The following TDRD12 variants were observed in gnomAD, a reference collection of about 807,000 sequenced individuals.
The protein encoded by TDRD12 is putative ATP-dependent RNA helicase TDRD12.
TDRD12 carries 158 observed loss-of-function variants against 133.5 expected under a neutral mutation model. That is an observed-to-expected ratio of 1.18 (90% CI 1.04 to 1.35). TDRD12 has a LOEUF of 1.35. TDRD12 is among the 40% of genes most tolerant of loss of function. TDRD12 has a pLI of 0.00. For synonymous variants in TDRD12, 460 were observed against 477.9 expected (o/e 0.96, Z 0.49); for missense variants, 1,443 against 1,321.3 (o/e 1.09, Z -1.43).
intron 21 of TDRD12, among the ~76,000 whole-genome samples, chr19:32,803,424 GTGT>G (rs1253391174): frequency 3.3e-5 from 5 of 152,202 alleles, no homozygotes; most frequent in African/African-American, 1.2e-4. Flanking sequence ...ACATTCGTCT[GTGT>G]TGTTGTGTGT....
At chr19:32,757,267 T>C in intron 8 of TDRD12, 137 bp downstream of exon 8, 1 of 719,314 alleles carries the variant, frequency 1.4e-6, no homozygotes, top group South Asian at 1.9e-5. Flanking sequence ...CAATTTGTGA[T>C]GTAGATCCTG....
intron 10 of TDRD12, among the ~76,000 whole-genome samples, chr19:32,776,788 G>T (rs1301829144): frequency 5.3e-5 from 8 of 152,224 alleles, no homozygotes; most frequent in Admixed American, 5.2e-4. Context: ...AGTTCTCACA[G>T]AAATGTGCTT....
intron 4 of TDRD12, among the ~76,000 whole-genome samples, chr19:32,745,085 T>G (rs750695943): frequency 2.2e-4 from 34 of 152,166 alleles, no homozygotes; most frequent in Non-Finnish European, 4.0e-4. Context: ...CCCCCACTAC[T>G]CACCGAAGGC....
In TDRD12 at chr19:32,809,116, TGTGCTGTGTAAAATGAATATG is replaced by T. The variant is rs574540804; in HGVS notation, c.2653-973_2653-953del. Among the ~76,000 whole-genome samples, 498 of 152,330 alleles carry T rather than the reference TGTGCTGTGTAAAATGAATATG, an allele frequency of 3.3e-3. 1 individual carries two copies. The highest frequency in any genetic ancestry group is 6.8e-3 in the Middle Eastern group (2 of 294). ...ACAGAGTTCCCATTTCTGTTTTTTATGTGCTGTGTAAAATGAATATGGTGACATAGTGTCTGAGATTTCTGA... is the reference window on the plus strand; with the variant it reads ...ACAGAGTTCCCATTTCTGTTTTTTATGTGACATAGTGTCTGAGATTTCTGA... On this transcript the variant is annotated intron_variant, in intron 22 of 27. Coordinates refer to ENST00000444215, the Ensembl canonical transcript of TDRD12.
chr19:32,807,149 T>C (rs1024175405), intron 21 of TDRD12, among the ~76,000 whole-genome samples: 1 of 151,300 alleles, frequency 6.6e-6, no homozygotes, highest in Non-Finnish European at 1.5e-5. Flanking sequence ...TTAGAATGTC[T>C]AGAGAAATAG....
At chr19:32,784,341 G>A (rs137900000) in intron 11 of TDRD12, among the ~76,000 whole-genome samples, 8 of 152,032 alleles carry the variant, frequency 5.3e-5, no homozygotes, top group East Asian at 1.9e-4. Context: ...GGATGAAGCC[G>A]ACTTGATCAT....
chr19:32,750,276 GC>G (rs538643599), intron 6 of TDRD12, among the ~76,000 whole-genome samples: 2 of 151,776 alleles, frequency 1.3e-5, no homozygotes, highest in South Asian at 4.1e-4. Flanking sequence ...TATGTGAGTG[GC>G]CCCTACCTCT....
rs147390564 is a variant in TDRD12 at position 32,771,892 on chromosome 19, G to T, written c.866-861G>T. The stretch of plus-strand genomic sequence containing the variant: ...TATTTCAATGAGTTATTTAATAGGT[G>T]AAAGGCGTATCTTGTCATTTCAATT... On this transcript the variant is annotated intron_variant, in intron 8 of 27. Coordinates refer to ENST00000444215, the Ensembl canonical transcript of TDRD12. 4.2e-3 allele frequency among the ~76,000 whole-genome samples: 642 copies of T among 152,282 alleles called. 2 individuals carry two copies. The highest frequency in any genetic ancestry group is 0.014 in the African/African-American group (587 of 41,568).
At chr19:32,736,499 T>C (rs1375855517) in intron 2 of TDRD12, among the ~76,000 whole-genome samples, 2 of 152,204 alleles carry the variant, frequency 1.3e-5, no homozygotes, top group East Asian at 1.9e-4. Context: ...ATTTTGAAGG[T>C]TGGCTGGCTG....
chr19:32,728,890 G>A (rs1057383869), intron 1 of TDRD12, among the ~76,000 whole-genome samples: 6 of 147,160 alleles, frequency 4.1e-5, no homozygotes, highest in African/African-American at 7.5e-5. Context: ...CTTGTGATCC[G>A]CCCGTCTCGG....
chr19:32,745,048 C>T (rs1290324288), intron 4 of TDRD12, among the ~76,000 whole-genome samples: 1 of 152,226 alleles, frequency 6.6e-6, no homozygotes. Context: ...GCCAATGCGC[C>T]CTACCAGGCC....
At chr19:32,783,345 C>T (rs951138497) in intron 11 of TDRD12, among the ~76,000 whole-genome samples, 1 of 152,138 alleles carries the variant, frequency 6.6e-6, no homozygotes, top group Non-Finnish European at 1.5e-5. Context: ...GTACCAGTGC[C>T]ATGCTGTTTT....
intron 2 of TDRD12, among the ~76,000 whole-genome samples, chr19:32,733,217 C>G (rs1336927078): frequency 1.3e-5 from 2 of 152,162 alleles, no homozygotes; most frequent in East Asian, 3.9e-4. Context: ...GCCTGTAATC[C>G]CAGCACTTTG....
chr19:32,788,192 G>A (rs764777637), intron 11 of TDRD12, among the ~76,000 whole-genome samples: 8 of 151,180 alleles, frequency 5.3e-5, no homozygotes, highest in Non-Finnish European at 8.8e-5. Flanking sequence ...GTGCGATGTC[G>A]GCTCACTGCA....
chr19:32,749,847 A>T, exon 6 of TDRD12: 1 of 1,547,788 alleles, frequency 6.5e-7, no homozygotes, highest in Non-Finnish European at 8.7e-7. Context: ...GTTTACCTTT[A>T]TGTAACTATA....
At chr19:32,767,831 A>G (rs566583700) in intron 8 of TDRD12, among the ~76,000 whole-genome samples, 6 of 152,180 alleles carry the variant, frequency 3.9e-5, no homozygotes, top group Non-Finnish European at 7.3e-5. Flanking sequence ...CCAGGCTCCC[A>G]CTAAAAATCA....
At chr19:32,764,521 A>G (rs957304404) in intron 8 of TDRD12, among the ~76,000 whole-genome samples, 6 of 152,220 alleles carry the variant, frequency 3.9e-5, no homozygotes, top group African/African-American at 1.4e-4. Flanking sequence ...ATTATGATTC[A>G]GGTATGATCT....
chr19:32,799,521 T>A (rs954121376), intron 16 of TDRD12, among the ~76,000 whole-genome samples: 1 of 152,190 alleles, frequency 6.6e-6, no homozygotes. Flanking sequence ...TCTGAGTTGC[T>A]TGTTCACTTC....
chr19:32,753,092 A>G (rs1599860056), intron 6 of TDRD12, among the ~76,000 whole-genome samples: 1 of 151,902 alleles, frequency 6.6e-6, no homozygotes, highest in Non-Finnish European at 1.5e-5. Context: ...GCGCCCGGCC[A>G]CTGGAATCAG....
Sources: allele counts gnomAD v4.1 joint callset (sites outside exome capture counted in the v4.1 genomes callset), GRCh38; gene constraint gnomAD v4.1.1; transcripts MANE v1.5; gene names NCBI Gene and HGNC (gene_info 2026-07-23, HGNC 2026-07-21).